TLCD4: variants seen among roughly 807,000 people sequenced by gnomAD.
The protein encoded by TLCD4 is TLC domain-containing protein 4.
TLCD4 carries 7 observed loss-of-function variants against 24.2 expected under a neutral mutation model. The observed-to-expected ratio is 0.29, with a 90% CI of 0.16 to 0.54. TLCD4 has a LOEUF of 0.54. Ranked by LOEUF, TLCD4 falls within the 20% of genes least tolerant of loss-of-function variation. The pLI is 0.95. For missense variants in TLCD4, 259 were observed against 313.9 expected (o/e 0.82, Z 1.32); for synonymous variants, 103 against 106.4 (o/e 0.97, Z 0.20).
rs1679042634 is a variant in TLCD4, at chr1:95,191,936, A to G, written c.*68A>G. The G allele has an allele frequency of 6.5e-7, 1 of 1,532,310 alleles. No individual in the cohort carries two copies. The highest frequency in any genetic ancestry group is 1.3e-5 in the South Asian group (1 of 76,364). 94.9% of individuals were successfully genotyped at this position (1,532,310 alleles called of 1,614,324 possible). A position where few individuals can be genotyped will look rare whatever the true frequency, so the allele number is the denominator to read the frequency against. ...TCTGCTGATAGGATGAATTCTTGGCATGTTCTTGTGTACCTTTCTTAATTA... is the reference window on the plus strand; with the variant it reads ...TCTGCTGATAGGATGAATTCTTGGCGTGTTCTTGTGTACCTTTCTTAATTA... On this transcript the variant is annotated 3_prime_UTR_variant, in exon 7 of 7. Transcript: ENST00000370203.
At chr1:95,114,151 C>T (rs1174098924), upstream of TLCD4, among the ~76,000 whole-genome samples, 1 of 152,186 alleles carries the variant, frequency 6.6e-6, no homozygotes, top group Admixed American at 6.5e-5. Flanking sequence ...CCTCCAACTC[C>T]TGGTCTCAAG....
the TLCD4 span, among the ~76,000 whole-genome samples, chr1:95,100,601 A>G: frequency 3.3e-5 from 5 of 151,882 alleles, no homozygotes; most frequent in East Asian, 7.7e-4. Context: ...AATAAAAAAG[A>G]AAAAGAAAAT....
At chr1:95,128,684 T>C (rs1676807372) in intron 1 of TLCD4, among the ~76,000 whole-genome samples, 1 of 152,166 alleles carries the variant, frequency 6.6e-6, no homozygotes, top group African/African-American at 2.4e-5. Flanking sequence ...CAGAACTCTT[T>C]TGCTCCCGCA....
chr1:95,125,041 A>G (rs1262618888), intron 1 of TLCD4, among the ~76,000 whole-genome samples: 1 of 152,194 alleles, frequency 6.6e-6, no homozygotes, highest in Non-Finnish European at 1.5e-5. Flanking sequence ...GAGGTCTACC[A>G]GGTGGGTCAG....
At chr1:95,105,201 G>T in the TLCD4 span, among the ~76,000 whole-genome samples, 4 of 152,122 alleles carry the variant, frequency 2.6e-5, no homozygotes, top group South Asian at 2.1e-4. Flanking sequence ...GCAATGAAAC[G>T]CATTCAGTAG....
chr1:95,095,497 A>G, the TLCD4 span, among the ~76,000 whole-genome samples: 1 of 152,066 alleles, frequency 6.6e-6, no homozygotes, highest in African/African-American at 2.4e-5. Context: ...TCCTGGGTTC[A>G]AGTGATTCTC....
At chr1:95,115,588 A>C (rs968955227), upstream of TLCD4, among the ~76,000 whole-genome samples, 2 of 152,162 alleles carry the variant, frequency 1.3e-5, no homozygotes, top group African/African-American at 4.8e-5. Flanking sequence ...ATATTAACTT[A>C]TATGTTCTGT....
chr1:95,109,911 GCATATATA>G, the TLCD4 span, among the ~76,000 whole-genome samples: 1 of 47,354 alleles, frequency 2.1e-5, no homozygotes, highest in African/African-American at 8.5e-5. Flanking sequence ...ATGTGTGTAT[GCATATATA>G]TATATATATA....
chr1:95,178,170 C>T (rs1340580343), intron 6 of TLCD4, among the ~76,000 whole-genome samples: 1 of 152,042 alleles, frequency 6.6e-6, no homozygotes, highest in African/African-American at 2.4e-5. Context: ...TGGTCTTGAA[C>T]TCCTGAGCTC....
chr1:95,096,552 A>T, the TLCD4 span, among the ~76,000 whole-genome samples: 3 of 152,318 alleles, frequency 2.0e-5, no homozygotes, highest in Admixed American at 6.5e-5. Context: ...GGAAATCATG[A>T]CCCAGATATC....
intron 6 of TLCD4, among the ~76,000 whole-genome samples, chr1:95,181,540 T>G (rs1678640186): frequency 6.6e-6 from 1 of 152,064 alleles, no homozygotes; most frequent in Non-Finnish European, 1.5e-5. Context: ...TTCAAATTCA[T>G]TGGCCTTTCT....
chr1:95,107,326 G>A, the TLCD4 span, among the ~76,000 whole-genome samples: 1 of 152,158 alleles, frequency 6.6e-6, no homozygotes, highest in East Asian at 1.9e-4. Flanking sequence ...GGGAGGCTGA[G>A]GCAGGAGAAT....
intron 5 of TLCD4, among the ~76,000 whole-genome samples, chr1:95,153,942 G>A (rs1406260210): frequency 6.6e-6 from 1 of 152,098 alleles, no homozygotes; most frequent in Non-Finnish European, 1.5e-5. Context: ...AGAGGTAGGG[G>A]AGACTTCTAT....
Position 95,137,769 on chromosome 1 carries a change from C to T in TLCD4, c.-11-6122C>T, listed in dbSNP as rs115205211. Among the ~76,000 whole-genome samples the T allele has an allele frequency of 5.5e-3, 820 of 147,804 alleles. 9 individuals carry two copies. Among genetic ancestry groups the T allele is most frequent in the African/African-American group, 0.019 (789 of 40,520 alleles). On this transcript the variant is annotated intron_variant, in intron 1 of 6. Transcript: ENST00000370203. ...TTTTTTTCTGAAACAGCGTCTTGCA[C>T]GGTCACCCAGGCCTGAGTGCCCTGG...
chr1:95,151,558 A>G, intron 5 of TLCD4, 139 bp downstream of exon 5: 3 of 952,732 alleles, frequency 3.1e-6, no homozygotes, highest in Non-Finnish European at 4.6e-6. Context: ...CTTTTGTGGT[A>G]TGCTATCTTC....
At chr1:95,115,471 T>TTTTTAGGAG (rs1676412400), upstream of TLCD4, among the ~76,000 whole-genome samples, 2 of 152,318 alleles carry the variant, frequency 1.3e-5, no homozygotes, top group Admixed American at 1.3e-4. Context: ...ATACAGTTGA[T>TTTTTAGGAG]GTATTCTTCT....
intron 1 of TLCD4, among the ~76,000 whole-genome samples, chr1:95,139,927 C>T (rs759447180): frequency 6.6e-6 from 1 of 152,146 alleles, no homozygotes; most frequent in Non-Finnish European, 1.5e-5. Flanking sequence ...CACACATTAG[C>T]CTAGGTCTGT....
chr1:95,172,208 A>G (rs1325517785), intron 5 of TLCD4, among the ~76,000 whole-genome samples: 1 of 152,198 alleles, frequency 6.6e-6, no homozygotes, highest in Non-Finnish European at 1.5e-5. Flanking sequence ...GCGCTAACAA[A>G]CTAATACAGG....
At chr1:95,157,832 A>G (rs1049246794) in intron 5 of TLCD4, among the ~76,000 whole-genome samples, 1 of 152,210 alleles carries the variant, frequency 6.6e-6, no homozygotes, top group Admixed American at 6.5e-5. Context: ...GACTTACTAC[A>G]TAGGTAATTC....
Sources: allele counts gnomAD v4.1 joint callset (sites outside exome capture counted in the v4.1 genomes callset), GRCh38; gene constraint gnomAD v4.1.1; transcripts MANE v1.5; gene names NCBI Gene and HGNC (gene_info 2026-07-23, HGNC 2026-07-21).